The following PITPNA variants were observed in gnomAD, a reference collection of about 807,000 sequenced individuals.
PITPNA encodes the protein phosphatidylinositol transfer protein alpha isoform.
PITPNA carries 13 observed loss-of-function variants against 50.3 expected under a neutral mutation model. The ratio of observed to expected loss-of-function variants is 0.26; its 90% CI spans 0.17 to 0.41. The LOEUF (loss-of-function observed/expected upper bound fraction) is 0.41. PITPNA is among the 10% of genes least tolerant of loss of function. PITPNA has a pLI of 1.00. For synonymous variants in PITPNA, 120 were observed against 119.6 expected, an observed-to-expected ratio of 1.00 and a Z score of -0.02; for missense variants, 207 against 333.4, an observed-to-expected ratio of 0.62 and a Z score of 2.95.
rs780673981 is a variant in PITPNA at position 1,543,066 on chromosome 17, G to C, written c.290-39C>G. On this transcript the variant is annotated intron_variant, in intron 4 of 11. Transcript: ENST00000313486. ...AGGACATGGAAAGAAGAGAGAAAAA[G>C]ATTAATGAAGATGAAGAAATATCTG... 3 of 1,521,250 alleles carry C rather than the reference G, an allele frequency of 2.0e-6. No individual in the cohort carries two copies. The African/African-American group carries it at 4.1e-5, about 21-fold the overall frequency. 94.2% of individuals were successfully genotyped at this position (1,521,250 alleles called of 1,614,324 possible).
intron 2 of PITPNA, among the ~76,000 whole-genome samples, chr17:1,555,731 G>C (rs2075731943): frequency 6.6e-6 from 1 of 152,198 alleles, no homozygotes; most frequent in Non-Finnish European, 1.5e-5. Flanking sequence ...GCCCTGTCAG[G>C]CTGGGTACCA....
At chr17:1,545,244 C>T (rs192651996) in intron 4 of PITPNA, among the ~76,000 whole-genome samples, 75 of 152,286 alleles carry the variant, frequency 4.9e-4, no homozygotes, top group Admixed American at 3.4e-3. Flanking sequence ...CCAGGGTGTC[C>T]CAATCTGTTT....
intron 10 of PITPNA, among the ~76,000 whole-genome samples, chr17:1,531,201 T>C (rs2075580664): frequency 6.6e-6 from 1 of 152,086 alleles, no homozygotes; most frequent in Non-Finnish European, 1.5e-5. Flanking sequence ...ACTGGGACCC[T>C]TCCTCAGTGT....
intron 10 of PITPNA, among the ~76,000 whole-genome samples, chr17:1,530,120 A>C (rs972446044): frequency 6.6e-6 from 1 of 152,062 alleles, no homozygotes; most frequent in Admixed American, 6.6e-5. Context: ...GTCCTCAATA[A>C]ATGTTAGCTT....
chr17:1,520,876 T>C (rs559285855), intron 11 of PITPNA, among the ~76,000 whole-genome samples: 4 of 152,162 alleles, frequency 2.6e-5, no homozygotes, highest in African/African-American at 9.6e-5. Flanking sequence ...TGAGGCTAAT[T>C]GGGAGCAGAG....
Sources: allele counts gnomAD v4.1 joint callset (sites outside exome capture counted in the v4.1 genomes callset), GRCh38; gene constraint gnomAD v4.1.1; transcripts MANE v1.5; gene names NCBI Gene and HGNC (gene_info 2026-07-23, HGNC 2026-07-21).